SSBP3: variants seen among roughly 807,000 people sequenced by gnomAD.
The protein encoded by SSBP3 is single-stranded DNA-binding protein 3.
A neutral mutation model predicts 69.6 loss-of-function variants in SSBP3; 5 were observed. The observed-to-expected ratio is 0.07, with a 90% confidence interval of 0.04 to 0.15. SSBP3 has a LOEUF of 0.15. Ranked by LOEUF, SSBP3 falls within the 10% of genes least tolerant of loss-of-function variation. SSBP3 has a pLI of 1.00. For missense variants in SSBP3, 312 were observed against 534.0 expected, an observed-to-expected ratio of 0.58 and a Z score of 4.10; for synonymous variants, 196 against 193.4, an observed-to-expected ratio of 1.01 and a Z score of -0.11.
chr1:54,243,117 A>G (rs1644670482), intron 10 of SSBP3, 118 bp downstream of exon 10: 1 of 885,684 alleles, frequency 1.1e-6, no homozygotes, highest in Non-Finnish European at 1.9e-6. Flanking sequence ...ACCGATGAGG[A>G]GACTGAGGTC....
chr1:54,289,056 A>C (rs1645555661), intron 4 of SSBP3, among the ~76,000 whole-genome samples: 1 of 130,604 alleles, frequency 7.7e-6, no homozygotes, highest in East Asian at 2.0e-4. Context: ...AAAAAAAAAA[A>C]ACAGTAATGT....
chr1:54,365,867 T>C (rs1347219366), intron 4 of SSBP3, among the ~76,000 whole-genome samples: 3 of 152,218 alleles, frequency 2.0e-5, no homozygotes, highest in Non-Finnish European at 4.4e-5. Context: ...CTAGTTTGCC[T>C]ATGCTCAAAT....
At chr1:54,278,286 C>T (rs1421079575) in intron 5 of SSBP3, among the ~76,000 whole-genome samples, 1 of 151,192 alleles carries the variant, frequency 6.6e-6, no homozygotes, top group African/African-American at 2.4e-5. Context: ...TTTACTAGGT[C>T]CTTAGTATAT....
intron 4 of SSBP3, among the ~76,000 whole-genome samples, chr1:54,396,688 A>G (rs944660135): frequency 2.6e-5 from 4 of 152,164 alleles, no homozygotes; most frequent in African/African-American, 9.7e-5. Flanking sequence ...TCTTGGTCCA[A>G]GTTTGCAAAT....
intron 13 of SSBP3, among the ~76,000 whole-genome samples, chr1:54,240,063 TGTGTGTGTGTGTGTGTGTGTGTGTGCGC>T (rs1377996004): frequency 1.9e-3 from 50 of 25,938 alleles, no homozygotes; most frequent in African/African-American, 4.0e-3. Context: ...TGTGTGTGTG[TGTGTGTGTGTGTGTGTGTGTGTGTGCGC>T]GCGCGCGCGT....
intron 14 of SSBP3, among the ~76,000 whole-genome samples, chr1:54,236,119 A>G (rs1247275359): frequency 6.7e-6 from 1 of 150,154 alleles, no homozygotes; most frequent in Non-Finnish European, 1.5e-5. Context: ...GTGTTTATGT[A>G]TTTTTTTTTT....
At chr1:54,235,273 GTTTTTTTTTTTTT>G (rs200538399) in intron 14 of SSBP3, among the ~76,000 whole-genome samples, 31,163 of 112,584 alleles carry the variant, frequency 0.28, 4,002 homozygotes, top group Non-Finnish European at 0.35. Context: ...AAGATGTCCA[GTTTTTTTTTTTTT>G]TTTTTTTTTT....
rs114505060 is a variant in SSBP3 at position 54,310,208 on chromosome 1, G to A, written c.277-28681C>T. Reference sequence around the variant, plus strand: ...GCCAGCAGGCCGTGTGGACCTCGGGGAGGCGCAGCCAACCTCAACACCCTC... The same window carrying A: ...GCCAGCAGGCCGTGTGGACCTCGGGAAGGCGCAGCCAACCTCAACACCCTC... On this transcript the variant is annotated intron_variant, in intron 4 of 17. Coordinates refer to ENST00000610401, the Ensembl canonical transcript of SSBP3. 5.1e-3 allele frequency among the ~76,000 whole-genome samples: 781 copies of A among 151,724 alleles called. 8 individuals carry two copies. The highest frequency in any genetic ancestry group is 0.018 in the African/African-American group (752 of 41,344).
At chr1:54,344,071 A>C (rs977889735) in intron 4 of SSBP3, among the ~76,000 whole-genome samples, 1 of 152,198 alleles carries the variant, frequency 6.6e-6, no homozygotes, top group African/African-American at 2.4e-5. Context: ...GCGGGGCATG[A>C]TGGCCAAGAG....
At chr1:54,381,186 C>A (rs561064600) in intron 4 of SSBP3, among the ~76,000 whole-genome samples, 1 of 152,000 alleles carries the variant, frequency 6.6e-6, no homozygotes, top group East Asian at 1.9e-4. Context: ...TGAGGAAGAC[C>A]ATCCTGGCCA....
At chr1:54,342,608 G>A (rs923051034) in intron 4 of SSBP3, among the ~76,000 whole-genome samples, 1 of 151,826 alleles carries the variant, frequency 6.6e-6, no homozygotes, top group Admixed American at 6.6e-5. Flanking sequence ...GGGACAGACT[G>A]GGGGAAGGCA....
Position 54,285,870 on chromosome 1 carries a change from C to T in SSBP3, c.277-4343G>A, listed in dbSNP as rs76626188. On this transcript the variant is annotated intron_variant, in intron 4 of 17. Coordinates refer to ENST00000610401, the Ensembl canonical transcript of SSBP3. ...CACTGGATTCAGAAGCTAGAGATCTCCTAGCTGGGAGCCCACGGACAGGCC... is the reference window on the plus strand; with the variant it reads ...CACTGGATTCAGAAGCTAGAGATCTTCTAGCTGGGAGCCCACGGACAGGCC... 5.0e-3 allele frequency among the ~76,000 whole-genome samples: 758 copies of T among 152,248 alleles called. 5 individuals are homozygous for T. Among genetic ancestry groups the T allele is most frequent in the South Asian group, 7.7e-3 (37 of 4,820 alleles).
chr1:54,316,663 AAT>A (rs1329818629), intron 4 of SSBP3, among the ~76,000 whole-genome samples: 5,911 of 33,186 alleles, frequency 0.18, 620 homozygotes, highest in East Asian at 0.44. Flanking sequence ...AAAAAAATAA[AAT>A]AAATAAATAA....
intron 5 of SSBP3, among the ~76,000 whole-genome samples, chr1:54,269,058 G>A (rs1290224307): frequency 6.6e-6 from 1 of 152,206 alleles, no homozygotes; most frequent in Non-Finnish European, 1.5e-5. Flanking sequence ...ACACCAAGCT[G>A]TGGCTCGGAA....
In SSBP3 at chr1:54,241,519, A is replaced by C. The variant is rs1464971720; in HGVS notation, c.766-10T>G. 4 of 1,613,802 alleles carry C rather than the reference A, an allele frequency of 2.5e-6. No homozygotes were observed. Among genetic ancestry groups the C allele is most frequent in the Non-Finnish European group, 3.4e-6 (4 of 1,179,932 alleles). On this transcript the variant is annotated splice_polypyrimidine_tract_variant and intron_variant, in intron 11 of 17. Transcript: ENST00000610401. Reference sequence around the variant, plus strand: ...AGGAGGAGTATGGAATCTAAAAACAAGATGTCAGGGAGCCCCACGTCAGAG... The same window carrying C: ...AGGAGGAGTATGGAATCTAAAAACACGATGTCAGGGAGCCCCACGTCAGAG...
intron 4 of SSBP3, among the ~76,000 whole-genome samples, chr1:54,355,172 TG>T (rs1294011993): frequency 6.6e-6 from 1 of 152,202 alleles, no homozygotes; most frequent in African/African-American, 2.4e-5. Flanking sequence ...AAACGTCTGA[TG>T]AGAGAATGAA....
intron 5 of SSBP3, among the ~76,000 whole-genome samples, chr1:54,273,621 A>C (rs778666852): frequency 6.6e-6 from 1 of 152,046 alleles, no homozygotes; most frequent in Non-Finnish European, 1.5e-5. Context: ...GCCTCTTTTC[A>C]CTGGCCAGGA....
intron 4 of SSBP3, among the ~76,000 whole-genome samples, chr1:54,283,569 G>A (rs1056171950): frequency 1.3e-5 from 2 of 152,206 alleles, no homozygotes; most frequent in Non-Finnish European, 2.9e-5. Flanking sequence ...TTTGTAAGCT[G>A]GGACAGCTCT....
chr1:54,337,897 G>C (rs1646538799), intron 4 of SSBP3, among the ~76,000 whole-genome samples: 1 of 152,212 alleles, frequency 6.6e-6, no homozygotes, highest in Admixed American at 6.5e-5. Flanking sequence ...GGGAGGCCAA[G>C]GCAGGGGGAT....
Sources: gnomAD v4.1 joint callset for allele counts (sites outside exome capture counted in the v4.1 genomes callset) on GRCh38, gnomAD v4.1.1 for gene constraint, MANE v1.5 for transcripts, NCBI Gene and HGNC (gene_info 2026-07-23, HGNC 2026-07-21) for gene names.